The following ASTN2 variants were observed in gnomAD, a reference collection of about 807,000 sequenced individuals.
ASTN2 encodes astrotactin-2.
A neutral mutation model predicts 139.8 loss-of-function variants in ASTN2; 54 were observed. The observed-to-expected ratio is 0.39, with a 90% CI of 0.31 to 0.48. The LOEUF is 0.48. ASTN2 is among the 20% of genes least tolerant of loss of function. The pLI is 0.95. For synonymous variants in ASTN2, 756 were observed against 719.5 expected (o/e 1.05, Z -0.81); for missense variants, 1,565 against 1,725.1 (o/e 0.91, Z 1.64).
chr9:116,937,653 G>A (rs1835117026), intron 10 of ASTN2, among the ~76,000 whole-genome samples: 1 of 152,080 alleles, frequency 6.6e-6, no homozygotes. Flanking sequence ...TTACTTTTGG[G>A]GGAGTGGGTA....
At chr9:116,536,846 A>G (rs1314289314) in intron 19 of ASTN2, among the ~76,000 whole-genome samples, 1 of 152,176 alleles carries the variant, frequency 6.6e-6, no homozygotes, top group Non-Finnish European at 1.5e-5. Context: ...TCAGATCTCA[A>G]ACTCCATGCT....
Position 116,699,554 on chromosome 9 carries a change from G to C in ASTN2, c.2806+26217C>G, listed in dbSNP as rs1169333337. On this transcript the variant is annotated intron_variant, in intron 16 of 22. Coordinates refer to ENST00000313400, the MANE Select transcript of ASTN2 (RefSeq NM_001365068.1). This position sits in a 1 kb window ranked among gnomAD's most constrained non-coding sequence, Gnocchi z 4.2. Reference sequence around the variant, plus strand: ...GCAAGGAAATTCTCCATTTTCCTAAGGGTGGGGGCTATAGTGTCCTTATTC... The same window carrying C: ...GCAAGGAAATTCTCCATTTTCCTAACGGTGGGGGCTATAGTGTCCTTATTC... 1 of 1,614,208 alleles carries C rather than the reference G, an allele frequency of 6.2e-7. No homozygotes were observed. Among genetic ancestry groups the C allele is most frequent in the South Asian group, 1.1e-5 (1 of 91,080 alleles).
At chr9:116,982,821 C>A (rs1303354352) in intron 7 of ASTN2, among the ~76,000 whole-genome samples, 2 of 152,142 alleles carry the variant, frequency 1.3e-5, no homozygotes, top group Non-Finnish European at 2.9e-5. Context: ...TGAGATAATC[C>A]CCGAAGCTGT....
chr9:116,874,248 T>C (rs1255740792), intron 10 of ASTN2, among the ~76,000 whole-genome samples: 1 of 151,896 alleles, frequency 6.6e-6, no homozygotes, highest in Non-Finnish European at 1.5e-5. Context: ...TTCTCCTTCC[T>C]CTAGCAATTA....
rs557077341 is a variant in ASTN2, at chr9:117,238,224, G to A, written c.631-23482C>T. Among the ~76,000 whole-genome samples the A allele has an allele frequency of 1.6e-4, 24 of 152,182 alleles. No individual in the cohort carries two copies. The South Asian group carries it at 1.7e-3, about 11-fold the overall frequency. ...CTGTGCACTGGCTCTCCTGGCTCCC[G>A]GGGATTTCTTTAGGTCCTTTGGTTT... On this transcript the variant is annotated intron_variant, in intron 2 of 22. Transcript: ENST00000313400.
At chr9:117,103,280 A>G (rs535591020) in intron 4 of ASTN2, among the ~76,000 whole-genome samples, 1 of 152,344 alleles carries the variant, frequency 6.6e-6, no homozygotes, top group South Asian at 2.1e-4. Flanking sequence ...TATTCTTGGC[A>G]TACCATTCTA....
intron 5 of ASTN2, among the ~76,000 whole-genome samples, chr9:117,056,736 T>G (rs1274503508): frequency 6.6e-6 from 1 of 152,194 alleles, no homozygotes; most frequent in Non-Finnish European, 1.5e-5. Flanking sequence ...GTTGGTGAAA[T>G]GAAAGGCTTG....
At chr9:117,196,369 A>G (rs1011875175) in intron 3 of ASTN2, among the ~76,000 whole-genome samples, 9 of 152,162 alleles carry the variant, frequency 5.9e-5, no homozygotes, top group African/African-American at 1.7e-4. Flanking sequence ...TCCATCTTCT[A>G]CTCAGGATTA....
chr9:116,987,095 G>A (rs1490389554), intron 7 of ASTN2, among the ~76,000 whole-genome samples: 2 of 152,224 alleles, frequency 1.3e-5, no homozygotes, highest in African/African-American at 4.8e-5. Context: ...CCCAGTGGAT[G>A]CCTGACACTG....
chr9:117,077,959 T>C (rs190711635), intron 5 of ASTN2, among the ~76,000 whole-genome samples: 8 of 152,362 alleles, frequency 5.3e-5, no homozygotes, highest in Admixed American at 1.3e-4. Context: ...ACAAGAACTC[T>C]GACACTCAGA....
intron 10 of ASTN2, among the ~76,000 whole-genome samples, chr9:116,895,113 T>C (rs879852196): frequency 3.9e-5 from 6 of 152,174 alleles, no homozygotes; most frequent in African/African-American, 7.2e-5. Flanking sequence ...TGCTCCAAAA[T>C]TGGAAACTTT....
At chr9:116,549,769 G>T (rs1030685068) in intron 19 of ASTN2, among the ~76,000 whole-genome samples, 3 of 152,092 alleles carry the variant, frequency 2.0e-5, no homozygotes, top group African/African-American at 7.2e-5. Context: ...TTCCACTGGA[G>T]TGCCCTTCCC....
intron 16 of ASTN2, among the ~76,000 whole-genome samples, chr9:116,708,987 T>C (rs1828070074): frequency 6.6e-6 from 1 of 152,240 alleles, no homozygotes; most frequent in South Asian, 2.1e-4. Context: ...CACAGGCATC[T>C]TGTGCCATAA....
chr9:117,112,664 GA>G (rs1396750184), intron 4 of ASTN2, among the ~76,000 whole-genome samples: 1 of 152,038 alleles, frequency 6.6e-6, no homozygotes, highest in African/African-American at 2.4e-5. Context: ...CTTTCTAGGA[GA>G]AAACAGGAGA....
intron 17 of ASTN2, among the ~76,000 whole-genome samples, chr9:116,640,386 C>T (rs891263127): frequency 2.0e-5 from 3 of 151,958 alleles, no homozygotes; most frequent in Non-Finnish European, 4.4e-5. Flanking sequence ...AGTGTGATAA[C>T]TGTTATGGAA....
intron 17 of ASTN2, among the ~76,000 whole-genome samples, chr9:116,649,190 T>C (rs1857765791): frequency 6.6e-6 from 1 of 152,214 alleles, no homozygotes; most frequent in African/African-American, 2.4e-5. Flanking sequence ...ATCATATTTA[T>C]TGCATCTGTA....
chr9:116,469,497 G>A (rs1020089827), intron 20 of ASTN2, among the ~76,000 whole-genome samples: 12 of 152,224 alleles, frequency 7.9e-5, no homozygotes, highest in African/African-American at 1.4e-4. Context: ...ATAGTTCAGC[G>A]GGTCAGAGCC....
intron 12 of ASTN2, among the ~76,000 whole-genome samples, chr9:116,808,452 C>T (rs917339798): frequency 2.6e-5 from 4 of 152,140 alleles, no homozygotes; most frequent in Admixed American, 6.5e-5. Flanking sequence ...CATGCATTTG[C>T]ACCTGATGCA....
At chr9:117,059,179 G>A (rs182374107) in intron 5 of ASTN2, among the ~76,000 whole-genome samples, 1 of 152,312 alleles carries the variant, frequency 6.6e-6, no homozygotes, top group East Asian at 1.9e-4. Context: ...GGATGGAATT[G>A]CTGGACTTGT....
Sources: gnomAD v4.1 joint callset for allele counts (sites outside exome capture counted in the v4.1 genomes callset) on GRCh38, gnomAD v4.1.1 for gene constraint, Gnocchi (gnomAD v3.1) non-coding constraint, MANE v1.5 for transcripts, NCBI Gene and HGNC (gene_info 2026-07-23, HGNC 2026-07-21) for gene names.